The following GRM8 variants were observed in gnomAD, a reference collection of about 807,000 sequenced individuals.
The protein encoded by GRM8 is metabotropic glutamate receptor 8.
In GRM8, 47 loss-of-function variants were observed where a neutral mutation model predicts 87.2. The ratio of observed to expected loss-of-function variants is 0.54; its 90% confidence interval spans 0.43 to 0.69. The LOEUF (loss-of-function observed/expected upper bound fraction) is 0.69, where lower values mean the gene tolerates loss of function less well. Ranked by LOEUF, GRM8 falls within the 30% of genes least tolerant of loss-of-function variation. The pLI, the probability that GRM8 is intolerant of heterozygous loss-of-function variation, is 0.00. For synonymous variants in GRM8, 396 were observed against 404.5 expected, an observed-to-expected ratio of 0.98 and a Z score of 0.25; for missense variants, 1,019 against 1,139.2, an observed-to-expected ratio of 0.89 and a Z score of 1.52.
intron 3 of GRM8, among the ~76,000 whole-genome samples, chr7:127,080,284 CAG>C (rs1015378395): frequency 2.6e-5 from 4 of 152,200 alleles, no homozygotes; most frequent in African/African-American, 9.6e-5. Flanking sequence ...AGCTGGAAAA[CAG>C]AGCAAAATAG....
chr7:127,065,265 G>A (rs1042085219), intron 3 of GRM8, among the ~76,000 whole-genome samples: 1 of 152,072 alleles, frequency 6.6e-6, no homozygotes, highest in African/African-American at 2.4e-5. Context: ...AACTGATGAA[G>A]GAATGGAAAA....
chr7:126,769,433 TACAGCA>T (rs1364732311), intron 7 of GRM8, among the ~76,000 whole-genome samples: 1 of 152,048 alleles, frequency 6.6e-6, no homozygotes, highest in African/African-American at 2.4e-5. Flanking sequence ...AGTATAAATA[TACAGCA>T]ACTCCAAGTC....
intron 7 of GRM8, among the ~76,000 whole-genome samples, chr7:126,699,387 T>G (rs1357467408): frequency 2.0e-5 from 3 of 152,204 alleles, no homozygotes; most frequent in Non-Finnish European, 4.4e-5. Flanking sequence ...TCTGCTGGAC[T>G]GATGCAGTAT....
chr7:127,162,637 G>A (rs1428199637), intron 2 of GRM8, among the ~76,000 whole-genome samples: 1 of 152,138 alleles, frequency 6.6e-6, no homozygotes, highest in Non-Finnish European at 1.5e-5. Context: ...CTAGGCTCTG[G>A]ATTTTATAAC....
At chr7:127,015,066 A>AGAAGAAGAAGAAGAAGAG (rs1454124629) in intron 3 of GRM8, among the ~76,000 whole-genome samples, 14 of 104,510 alleles carry the variant, frequency 1.3e-4, no homozygotes, top group African/African-American at 4.0e-4. Context: ...AAGAAGAAGA[A>AGAAGAAGAAGAAGAAGAG]GAAAGAAAGA....
intron 3 of GRM8, chr7:127,095,683 T>C (rs1415292250): frequency 6.6e-6 from 1 of 152,210 alleles, no homozygotes; most frequent in African/African-American, 2.4e-5. Flanking sequence ...TTGGGGTCCA[T>C]AGCTGTCCTG....
chr7:126,993,771 A>G (rs1026590391), intron 3 of GRM8, among the ~76,000 whole-genome samples: 1 of 152,204 alleles, frequency 6.6e-6, no homozygotes, highest in Non-Finnish European at 1.5e-5. Flanking sequence ...GTGCCCACAC[A>G]TGAAGGGAGC....
At chr7:126,866,042 C>T (rs1798564672) in intron 6 of GRM8, among the ~76,000 whole-genome samples, 2 of 152,160 alleles carry the variant, frequency 1.3e-5, no homozygotes, top group Admixed American at 1.3e-4. Flanking sequence ...TCCATTCCTG[C>T]CAGCAACGTA....
intron 3 of GRM8, among the ~76,000 whole-genome samples, chr7:126,979,497 T>A (rs1811319901): frequency 6.6e-6 from 1 of 152,142 alleles, no homozygotes; most frequent in South Asian, 2.1e-4. Flanking sequence ...GTGTCTTGAG[T>A]GTTTGTTAAG....
chr7:126,778,350 T>C (rs1563179401), intron 6 of GRM8, among the ~76,000 whole-genome samples: 1 of 152,258 alleles, frequency 6.6e-6, no homozygotes, highest in East Asian at 1.9e-4. Flanking sequence ...AGAAAGTGCT[T>C]CAGGCAGGTG....
In GRM8 at chr7:126,971,157, T is replaced by TA. The variant is rs71177581; in HGVS notation, c.728-66475dup. Among the ~76,000 whole-genome samples, 537 of 100,222 alleles carry TA rather than the reference T, an allele frequency of 5.4e-3. 8 individuals are homozygous for TA. Among genetic ancestry groups the TA allele is most frequent in the South Asian group, 0.014 (37 of 2,580 alleles). The allele number at this position is 100,222 out of a possible 152,430, so 65.7% of individuals were successfully genotyped here. A position where few individuals can be genotyped will look rare whatever the true frequency, so the allele number is the denominator to read the frequency against. ...AGGGTTGCCACAAAATTTCAATTTG[T>TA]AAAAAAAAAAAAAAAAAAAAAAAAA... On this transcript the variant is annotated intron_variant, in intron 3 of 10. Coordinates refer to ENST00000339582, the MANE Select transcript of GRM8 (RefSeq NM_000845.3).
chr7:126,922,636 A>G (rs1804649356), intron 3 of GRM8, among the ~76,000 whole-genome samples: 1 of 152,096 alleles, frequency 6.6e-6, no homozygotes. Flanking sequence ...AAGGTCATTA[A>G]GTGGAAGTGG....
Position 127,226,685 on chromosome 7 carries a change from C to T in GRM8, c.510+16010G>A, listed in dbSNP as rs541200982. 3.9e-5 allele frequency among the ~76,000 whole-genome samples: 6 copies of T among 152,308 alleles called. No homozygotes were observed. The South Asian group carries it at 6.2e-4, about 16-fold the overall frequency. On this transcript the variant is annotated intron_variant, in intron 2 of 10. Transcript: ENST00000339582. ...ATAACGTTAAATTTGAAAATTAACG[C>T]CTCAAGTTAATTTGGCTCTTTCTGT...
Position 126,456,086 on chromosome 7 carries a change from T to G in GRM8, c.2431-9714A>C, listed in dbSNP as rs1803191402. Among the ~76,000 whole-genome samples the G allele has an allele frequency of 2.6e-5, 4 of 151,610 alleles. 1 individual carries two copies. The South Asian group carries it at 8.3e-4, about 31-fold the overall frequency. On this transcript the variant is annotated intron_variant, in intron 9 of 10. Coordinates refer to ENST00000339582, the MANE Select transcript of GRM8 (RefSeq NM_000845.3). Reference sequence around the variant, plus strand: ...ATAAAATCTCAGTAGATGAAGGACTTCTGATTCTGGCTATGGAGGAGTAGC... The same window carrying G: ...ATAAAATCTCAGTAGATGAAGGACTGCTGATTCTGGCTATGGAGGAGTAGC...
chr7:127,188,013 A>G (rs1314283309), intron 2 of GRM8, among the ~76,000 whole-genome samples: 1 of 152,184 alleles, frequency 6.6e-6, no homozygotes, highest in African/African-American at 2.4e-5. Context: ...TCACACATTC[A>G]TCTAACAAAA....
chr7:127,065,560 G>T (rs1428676398), intron 3 of GRM8, among the ~76,000 whole-genome samples: 1 of 152,158 alleles, frequency 6.6e-6, no homozygotes, highest in East Asian at 1.9e-4. Context: ...AAGCTAAAAA[G>T]ACAAGCACAA....
intron 2 of GRM8, among the ~76,000 whole-genome samples, chr7:127,241,438 T>A: frequency 1.4e-5 from 1 of 72,252 alleles, no homozygotes; most frequent in African/African-American, 8.0e-5. Context: ...TTTTTTTTTC[T>A]TTTTTTTTTT....
At chr7:126,732,219 G>C (rs1027216973) in intron 7 of GRM8, among the ~76,000 whole-genome samples, 3 of 151,934 alleles carry the variant, frequency 2.0e-5, no homozygotes, top group African/African-American at 7.3e-5. Flanking sequence ...CTATACGACT[G>C]AAAAACTACA....
At chr7:127,056,678 T>C (rs947928658) in intron 3 of GRM8, among the ~76,000 whole-genome samples, 2 of 152,232 alleles carry the variant, frequency 1.3e-5, no homozygotes, top group Non-Finnish European at 2.9e-5. Context: ...ACACAGCCTG[T>C]TGGTTAACGT....
Sources: allele counts gnomAD v4.1 joint callset (sites outside exome capture counted in the v4.1 genomes callset), GRCh38; gene constraint gnomAD v4.1.1; transcripts MANE v1.5; gene names NCBI Gene and HGNC (gene_info 2026-07-23, HGNC 2026-07-21).